CASP8: variants seen among roughly 807,000 people sequenced by gnomAD.
The protein encoded by CASP8 is caspase 8.
Under a neutral mutation model 46.3 loss-of-function variants are expected in CASP8, and 24 were observed. The observed-to-expected ratio is 0.52, with a 90% CI of 0.38 to 0.73. The LOEUF is 0.73. Ranked by LOEUF, CASP8 falls within the 30% of genes least tolerant of loss-of-function variation. The pLI is 0.00. For missense variants in CASP8, 460 were observed against 559.0 expected (o/e 0.82, Z 1.79); for synonymous variants, 188 against 200.4 (o/e 0.94, Z 0.52).
intron 2 of CASP8, among the ~76,000 whole-genome samples, chr2:201,235,762 C>T (rs545154972): frequency 6.6e-6 from 1 of 152,212 alleles, no homozygotes; most frequent in African/African-American, 2.4e-5. Flanking sequence ...ATTCATGTGC[C>T]ATTTCAGTCA....
rs940108152 is a variant in CASP8, at chr2:201,254,043, T to C, written c.-26-12418T>C. On this transcript the variant is annotated intron_variant, in intron 2 of 6. Transcript: ENST00000264274. ...TTGCGGTGAGCCGAGATTGCACCAT[T>C]GCACTCCAGCCTGGGCAACAAGAGC... Among the ~76,000 whole-genome samples the C allele has an allele frequency of 7.3e-5, 11 of 149,806 alleles. No individual in the cohort carries two copies. In the East Asian group the frequency reaches 1.4e-3, roughly 19 times the overall value.
intron 2 of CASP8, chr2:201,269,433 C>T (rs1055552593): frequency 3.2e-6 from 3 of 933,036 alleles, no homozygotes; most frequent in Non-Finnish European, 5.1e-6. Flanking sequence ...GCCAGTTAGT[C>T]CTAAAAACCC....
chr2:201,281,764 A>T, intron 7 of CASP8: 2 of 944,894 alleles, frequency 2.1e-6, no homozygotes, highest in Non-Finnish European at 3.1e-6. Context: ...TAGCTTACCC[A>T]TCTTGTAAAC....
At chr2:201,239,679 T>A (rs1946219797) in intron 2 of CASP8, among the ~76,000 whole-genome samples, 1 of 152,200 alleles carries the variant, frequency 6.6e-6, no homozygotes. Context: ...TCAGTTTCCT[T>A]CCTCTTCAGT....
intron 3 of CASP8, 66 bp downstream of exon 3, chr2:201,271,687 C>A: frequency 1.0e-6 from 1 of 982,632 alleles, no homozygotes; most frequent in Non-Finnish European, 1.7e-6. Context: ...ATTTCTGAGA[C>A]CAAAGAGAGG....
At position 201,282,012 on chromosome 2, in the gene CASP8, T is replaced by C. The variant is rs1178000183; in HGVS notation, c.803-2804T>C. The C allele has an allele frequency of 1.1e-5, 3 of 276,744 alleles. No homozygotes were observed. The Admixed American group carries it at 1.5e-4, about 14-fold the overall frequency. 17.1% of individuals were successfully genotyped at this position (276,744 alleles called of 1,614,324 possible). A position where few individuals can be genotyped will look rare whatever the true frequency, so the allele number is the denominator to read the frequency against. ...GGGATTTGGCAGGGTCACAGGACAA[T>C]AGTGGAGGGAAGGTCAGCAGATAAA... On this transcript the variant is annotated intron_variant, in intron 7 of 8. Coordinates refer to ENST00000673742, the MANE Select transcript of CASP8 (RefSeq NM_001372051.1).
chr2:201,257,009 G>C (rs866563197), upstream of CASP8, among the ~76,000 whole-genome samples: 7 of 152,170 alleles, frequency 4.6e-5, no homozygotes, highest in Middle Eastern at 0.02. Context: ...GCCGGGCATG[G>C]TGGCGCATGC....
At chr2:201,239,136 G>C (rs906103216) in intron 2 of CASP8, among the ~76,000 whole-genome samples, 13 of 152,348 alleles carry the variant, frequency 8.5e-5, no homozygotes, top group African/African-American at 2.9e-4. Flanking sequence ...TCTTAGTATA[G>C]AACAAAATGA....
At chr2:201,280,512 T>G (rs1948933343) in intron 7 of CASP8, among the ~76,000 whole-genome samples, 1 of 152,180 alleles carries the variant, frequency 6.6e-6, no homozygotes, top group African/African-American at 2.4e-5. Flanking sequence ...CTAGCAACAC[T>G]GAAAGCTAAA....
intron 2 of CASP8, among the ~76,000 whole-genome samples, chr2:201,243,587 G>A (rs534647990): frequency 2.6e-5 from 4 of 152,296 alleles, no homozygotes; most frequent in Admixed American, 2.0e-4. Flanking sequence ...AATAGGTAAG[G>A]AAAAGTCCCT....
intron 6 of CASP8, among the ~76,000 whole-genome samples, chr2:201,275,516 A>G (rs1443387596): frequency 1.3e-5 from 2 of 152,228 alleles, no homozygotes; most frequent in African/African-American, 4.8e-5. Context: ...GCTCCTCCTC[A>G]TGGTAGGAAG....
chr2:201,266,414 A>G lies in CASP8; in HGVS notation c.-26-47A>G. On this transcript the variant is annotated intron_variant, in intron 1 of 8. Transcript: ENST00000673742. The surrounding 1 kb of genome is among the most constrained non-coding windows in gnomAD (Gnocchi z 5.7). ...TAGCCTTTGATGAACAAGCCAGCAAATGGTACTTTTCTTCCTTATCTGAAC... is the reference window on the plus strand; with the variant it reads ...TAGCCTTTGATGAACAAGCCAGCAAGTGGTACTTTTCTTCCTTATCTGAAC... 4.8e-6 allele frequency: 7 copies of G among 1,459,314 alleles called. No individual in the cohort carries two copies. Among genetic ancestry groups the G allele is most frequent in the Non-Finnish European group, 6.7e-6 (7 of 1,040,228 alleles). 90.4% of individuals were successfully genotyped at this position (1,459,314 alleles called of 1,614,324 possible). A position where few individuals can be genotyped will look rare whatever the true frequency, so the allele number is the denominator to read the frequency against.
intron 7 of CASP8, chr2:201,281,855 G>C: frequency 6.8e-7 from 1 of 1,473,522 alleles, no homozygotes; most frequent in Non-Finnish European, 9.0e-7. Flanking sequence ...TTTTTAGCTG[G>C]TGGCAATAAA....
chr2:201,234,446 A>AT (rs1176188370), intron 2 of CASP8, among the ~76,000 whole-genome samples: 2 of 151,904 alleles, frequency 1.3e-5, no homozygotes, highest in African/African-American at 2.4e-5. Context: ...GTGAAAAGTT[A>AT]TTCTTTTTTA....
At chr2:201,255,405 TAC>T (rs1445973820) in intron 2 of CASP8, among the ~76,000 whole-genome samples, 1 of 152,082 alleles carries the variant, frequency 6.6e-6, no homozygotes, top group Non-Finnish European at 1.5e-5. Context: ...CATATATATA[TAC>T]ACACACACTG....
At chr2:201,264,195 C>G (rs1246296491) in intron 1 of CASP8, among the ~76,000 whole-genome samples, 1 of 152,170 alleles carries the variant, frequency 6.6e-6, no homozygotes. Flanking sequence ...TCTTCTAATG[C>G]TGATAAACAG....
chr2:201,270,257 C>A (rs898482752), intron 2 of CASP8, among the ~76,000 whole-genome samples: 1 of 152,206 alleles, frequency 6.6e-6, no homozygotes, highest in African/African-American at 2.4e-5. Context: ...ACCTATCACT[C>A]ATTGAGCACT....
chr2:201,272,700 C>G lies in CASP8; in HGVS notation c.474C>G (p.Asp158Glu), dbSNP rs764925078. ...TCATCCTGGGAGAAGGAAAGTTGGA[C>G]ATCCTGAAAAGAGTCTGTGCCCAAA... is the stretch of plus-strand genomic sequence containing the variant. ...KRVILGEGKL[D>E]ILKRVCAQIN... Residue 158 changes from aspartate (D) to glutamate (E), a missense_variant, in exon 4 of 9, where the codon GAC becomes GAG. Asp to Glu is a conservative substitution (Grantham distance 45). Transcript: ENST00000673742. This position sits in a 1 kb window ranked among gnomAD's most constrained non-coding sequence, Gnocchi z 4.4. 1.2e-6 allele frequency: 2 copies of G among 1,614,014 alleles called. No individual in the cohort carries two copies. Among genetic ancestry groups the G allele is most frequent in the Non-Finnish European group, 1.7e-6 (2 of 1,179,880 alleles).
In CASP8 at chr2:201,266,498, C is replaced by T; in HGVS notation, c.12C>T (p.Ser4=). Reference sequence around the variant, plus strand: ...TGCCTTTTAAAAAGATGGACTTCAGCAGAAATCTTTATGATATTGGGGAAC... The same window carrying T: ...TGCCTTTTAAAAAGATGGACTTCAGTAGAAATCTTTATGATATTGGGGAAC... MDF[S]RNLYDIGEQL... Residue 4 remains serine (S), a synonymous_variant, in exon 2 of 9, where the codon AGC becomes AGT. Transcript: ENST00000673742. This position sits in a 1 kb window ranked among gnomAD's most constrained non-coding sequence, Gnocchi z 5.7. 6.2e-7 allele frequency: 1 copy of T among 1,613,900 alleles called. No homozygotes were observed. Among genetic ancestry groups the T allele is most frequent in the South Asian group, 1.1e-5 (1 of 91,072 alleles).
Sources: allele counts gnomAD v4.1 joint callset (sites outside exome capture counted in the v4.1 genomes callset), GRCh38; gene constraint gnomAD v4.1.1; non-coding constraint Gnocchi (gnomAD v3.1); transcripts MANE v1.5; gene names NCBI Gene and HGNC (gene_info 2026-07-23, HGNC 2026-07-21).